Variants in ZYG11A observed in about 807,000 individuals in gnomAD.
The protein encoded by ZYG11A is protein zyg-11 homolog A.
In ZYG11A, 62 loss-of-function variants were observed where a neutral mutation model predicts 77.2. That is an observed-to-expected ratio of 0.80 (90% CI 0.65 to 0.99). ZYG11A has a LOEUF of 0.99. Among genes scored for constraint, ZYG11A ranks in the 50% least tolerant of loss-of-function variants. ZYG11A has a pLI of 0.00. For synonymous variants in ZYG11A, 315 were observed against 324.6 expected (o/e 0.97, Z 0.32); for missense variants, 828 against 896.8 (o/e 0.92, Z 0.98).
chr1:52,882,728 T>G (rs1284832213), intron 11 of ZYG11A, among the ~76,000 whole-genome samples: 2 of 152,242 alleles, frequency 1.3e-5, no homozygotes, highest in Non-Finnish European at 2.9e-5. Flanking sequence ...CTTGTCAGGA[T>G]CACTGTTGAG....
chr1:52,866,788 A>G (rs1042019434), intron 6 of ZYG11A, among the ~76,000 whole-genome samples: 2 of 152,158 alleles, frequency 1.3e-5, no homozygotes, highest in Non-Finnish European at 2.9e-5. Flanking sequence ...ACATACTTGG[A>G]CTCAAGATCT....
rs527242395 is a variant in ZYG11A at position 52,872,783 on chromosome 1, T to C, written c.1543-4899T>C. Among the ~76,000 whole-genome samples, 5 of 147,250 alleles carry C rather than the reference T, an allele frequency of 3.4e-5. No individual in the cohort carries two copies. The East Asian group carries it at 1.0e-3, about 29-fold the overall frequency. On this transcript the variant is annotated intron_variant, in intron 8 of 13. Coordinates refer to ENST00000371528, the MANE Select transcript of ZYG11A (RefSeq NM_001004339.3). ...CTGTAATCCTAGACACTTAGGAGGC[T>C]GAGGTGGGAGGATCGCTTGAACCTG... is the stretch of plus-strand genomic sequence containing the variant.
intron 8 of ZYG11A, among the ~76,000 whole-genome samples, chr1:52,868,667 A>T (rs1159881860): frequency 6.6e-6 from 1 of 152,046 alleles, no homozygotes; most frequent in Non-Finnish European, 1.5e-5. Flanking sequence ...GCGTCCTGTA[A>T]TCCCAGCTAC....
chr1:52,872,104 A>G (rs1035293975), intron 8 of ZYG11A, among the ~76,000 whole-genome samples: 1 of 152,116 alleles, frequency 6.6e-6, no homozygotes, highest in African/African-American at 2.4e-5. Context: ...CATTACTGAG[A>G]TGCTTGAGAT....
At chr1:52,847,580 C>T (rs1033779101) in intron 1 of ZYG11A, among the ~76,000 whole-genome samples, 9 of 150,726 alleles carry the variant, frequency 6.0e-5, no homozygotes, top group Admixed American at 4.0e-4. Context: ...CAAGTTGTCT[C>T]TGCTTTTGTT....
At chr1:52,885,069 C>T (rs1646425607) in intron 11 of ZYG11A, among the ~76,000 whole-genome samples, 1 of 152,024 alleles carries the variant, frequency 6.6e-6, no homozygotes, top group Non-Finnish European at 1.5e-5. Flanking sequence ...CCACCATACC[C>T]GGCTAATTTT....
intron 2 of ZYG11A, among the ~76,000 whole-genome samples, chr1:52,854,939 C>A (rs1039082975): frequency 1.3e-5 from 2 of 151,556 alleles, no homozygotes; most frequent in African/African-American, 2.4e-5. Context: ...ACAATCTTTG[C>A]TCACTGCAGC....
rs1177273127 is a variant in ZYG11A, at chr1:52,894,618, C to G, written c.*1661C>G. The G allele has an allele frequency of 1.3e-5, 2 of 152,190 alleles. No individual in the cohort carries two copies. Among genetic ancestry groups the G allele is most frequent in the Non-Finnish European group, 2.9e-5 (2 of 68,026 alleles). The allele number at this position is 152,190 out of a possible 1,614,324, so 9.4% of individuals were successfully genotyped here. ...GCTTTTGGCTGGCTTGGTTCAGATTCTTAACTAGAGTACCATGTACTGTCT... is the reference window on the plus strand; with the variant it reads ...GCTTTTGGCTGGCTTGGTTCAGATTGTTAACTAGAGTACCATGTACTGTCT... On this transcript the variant is annotated 3_prime_UTR_variant, in exon 14 of 14. Coordinates refer to ENST00000371528, the MANE Select transcript of ZYG11A (RefSeq NM_001004339.3).
chr1:52,847,920 A>G (rs975163838), intron 1 of ZYG11A, among the ~76,000 whole-genome samples: 3 of 151,216 alleles, frequency 2.0e-5, no homozygotes, highest in Non-Finnish European at 4.4e-5. Flanking sequence ...CCTAGGCTGG[A>G]GTGCAGTGGC....
At chr1:52,862,572 A>G (rs1645950371) in intron 4 of ZYG11A, among the ~76,000 whole-genome samples, 1 of 152,018 alleles carries the variant, frequency 6.6e-6, no homozygotes, top group Admixed American at 6.6e-5. Context: ...TTGGCCTCCC[A>G]AAGTGCTGGG....
intron 1 of ZYG11A, among the ~76,000 whole-genome samples, chr1:52,849,456 C>G (rs545411748): frequency 6.6e-6 from 1 of 151,530 alleles, no homozygotes; most frequent in Admixed American, 6.6e-5. Flanking sequence ...CTCCTGCCTC[C>G]CGGGCTCAAG....
Position 52,857,124 on chromosome 1 carries a change from T to C in ZYG11A, c.383T>C (p.Ile128Thr), listed in dbSNP as rs557774753. 2.4e-5 allele frequency: 38 copies of C among 1,551,868 alleles called. No homozygotes were observed. Among genetic ancestry groups the C allele is most frequent in the African/African-American group, 2.1e-4 (15 of 73,166 alleles). ...AAAGCCTTCTGCCGTCATAAGCTCA[T>C]TGAACTGAATGCTACTGCAGTGCAC... ...FIKAFCRHKLIELNATAVHAD... is the reference protein window; with the variant it reads ...FIKAFCRHKLTELNATAVHAD... The change falls in exon 3 of 14, where the codon ATT becomes ACT. Residue 128 changes from isoleucine (I) to threonine (T), a missense_variant. Coordinates refer to ENST00000371528, the MANE Select transcript of ZYG11A (RefSeq NM_001004339.3).
chr1:52,864,068 G>T lies in ZYG11A; in HGVS notation c.1237G>T (p.Gly413Cys). 5 of 1,551,840 alleles carry T rather than the reference G, an allele frequency of 3.2e-6. No homozygotes were observed. The African/African-American group carries it at 6.8e-5, about 21-fold the overall frequency. Residue 413 changes from glycine to cysteine, a missense_variant, in exon 5 of 14, where the codon GGC becomes TGC. Gly to Cys is a radical substitution (Grantham distance 159). Coordinates refer to ENST00000371528, the MANE Select transcript of ZYG11A (RefSeq NM_001004339.3). ...SACALNLTRQ[G>C]LAKGMPVRLL... ...TTGCGCTCTCAACCTAACACGCCAG[G>T]GCCTGGCCAAGGGGATGCCTGTTCG... is the stretch of plus-strand genomic sequence containing the variant.
chr1:52,868,208 C>T (rs927655303), intron 8 of ZYG11A, among the ~76,000 whole-genome samples: 7 of 151,748 alleles, frequency 4.6e-5, no homozygotes, highest in African/African-American at 1.5e-4. Flanking sequence ...TCGTGATCTG[C>T]GTGCCTCGGC....
intron 3 of ZYG11A, among the ~76,000 whole-genome samples, chr1:52,859,967 T>C (rs2607095): frequency 0.49 from 73,872 of 151,960 alleles, 19,184 homozygotes; most frequent in Non-Finnish European, 0.59. Context: ...CCTGAGCCAT[T>C]GTGCCCCGGC....
intron 1 of ZYG11A, among the ~76,000 whole-genome samples, chr1:52,847,153 G>A (rs1417431145): frequency 6.6e-6 from 1 of 151,976 alleles, no homozygotes; most frequent in African/African-American, 2.4e-5. Flanking sequence ...TGCAGCCTCC[G>A]CCTCCCAGGT....
intron 1 of ZYG11A, among the ~76,000 whole-genome samples, chr1:52,849,683 C>G (rs1192996223): frequency 9.8e-6 from 1 of 101,670 alleles, no homozygotes; most frequent in African/African-American, 3.4e-5. Context: ...TTCAATTATA[C>G]ATTTCTTTTT....
chr1:52,862,900 C>T (rs571022119), intron 4 of ZYG11A, among the ~76,000 whole-genome samples: 1 of 152,236 alleles, frequency 6.6e-6, no homozygotes, highest in Non-Finnish European at 1.5e-5. Context: ...CCTCCTGCCT[C>T]AGCCTCCTGA....
chr1:52,867,839 T>TAA, intron 8 of ZYG11A, 62 bp downstream of exon 8: 1 of 1,302,584 alleles, frequency 7.7e-7, no homozygotes, highest in African/African-American at 1.5e-5. Flanking sequence ...GATTATAGCT[T>TAA]AAAAAAAAAA....
Sources: gnomAD v4.1 joint callset for allele counts (sites outside exome capture counted in the v4.1 genomes callset) on GRCh38, gnomAD v4.1.1 for gene constraint, MANE v1.5 for transcripts, NCBI Gene and HGNC (gene_info 2026-07-23, HGNC 2026-07-21) for gene names.